ZNF761: variants seen among roughly 807,000 people sequenced by gnomAD.
The protein encoded by ZNF761 is zinc finger protein 761.
In ZNF761, 43 loss-of-function variants were observed where a neutral mutation model predicts 59.9. The ratio of observed to expected loss-of-function variants is 0.72; its 90% confidence interval spans 0.56 to 0.92. The LOEUF (loss-of-function observed/expected upper bound fraction) is 0.92, where lower values mean the gene tolerates loss of function less well. Ranked by LOEUF, ZNF761 falls within the 40% of genes least tolerant of loss-of-function variation. The probability of loss-of-function intolerance (pLI) is 0.00; values close to 1 mark genes in which losing one functional copy is unlikely to be tolerated. For missense variants in ZNF761, 850 were observed against 906.1 expected, an observed-to-expected ratio of 0.94 and a Z score of 0.79; for synonymous variants, 294 against 304.8, an observed-to-expected ratio of 0.96 and a Z score of 0.37.
At chr19:53,449,477 C>T (rs770412663) in intron 3 of ZNF761, 35 bp from the exon 4 acceptor site, 104 of 1,614,036 alleles carry the variant, frequency 6.4e-5, no homozygotes, top group Non-Finnish European at 8.2e-5. Context: ...GAACTCCTCT[C>T]ATAACCATTT....
At chr19:53,442,407 G>A in intron 1 of ZNF761, 1 of 944,690 alleles carries the variant, frequency 1.1e-6, no homozygotes, top group South Asian at 1.3e-5. Context: ...TCAAAAAGAA[G>A]ACAAATGTGA....
At chr19:53,451,957 G>T (rs2086225956) in intron 4 of ZNF761, among the ~76,000 whole-genome samples, 1 of 152,028 alleles carries the variant, frequency 6.6e-6, no homozygotes, top group African/African-American at 2.4e-5. Flanking sequence ...TATAGTACAG[G>T]CTCTAAACTT....
chr19:53,432,750 A>G (rs2085986151), intron 1 of ZNF761, among the ~76,000 whole-genome samples: 1 of 152,222 alleles, frequency 6.6e-6, no homozygotes, highest in Non-Finnish European at 1.5e-5. Flanking sequence ...ATGGCAAAGT[A>G]GAGGATGGGT....
chr19:53,440,159 AAAATAAAT>A (rs140901936), intron 1 of ZNF761, among the ~76,000 whole-genome samples: 1 of 150,680 alleles, frequency 6.6e-6, no homozygotes, highest in Non-Finnish European at 1.5e-5. Flanking sequence ...GTCTTGGCCA[AAAATAAAT>A]AAATAAATAA....
intron 4 of ZNF761, chr19:53,449,839 A>C: frequency 7.5e-7 from 1 of 1,342,174 alleles, no homozygotes; most frequent in Non-Finnish European, 9.9e-7. Context: ...GGTGCATGCC[A>C]CCATGTTTGG....
Position 53,456,675 on chromosome 19 carries a change from G to T in ZNF761, c.2168G>T (p.Cys723Phe). 6.2e-7 allele frequency: 1 copy of T among 1,614,010 alleles called. No individual in the cohort carries two copies. The highest frequency in any genetic ancestry group is 1.1e-5 in the South Asian group (1 of 91,068). Residue 723 changes from cysteine to phenylalanine, a missense_variant, in exon 5 of 5, where the codon TGT becomes TTT. Coordinates refer to ENST00000684525, the MANE Select transcript of ZNF761 (RefSeq NM_001289951.2). ...TGEKPYKCNE[C>F]GKTFSQKSNL... ...GAGAAACCTTACAAGTGTAATGAGT[G>T]TGGCAAGACCTTTAGTCAGAAGTCA...
At chr19:53,453,842 C>G (rs925108805) in intron 4 of ZNF761, among the ~76,000 whole-genome samples, 2 of 152,114 alleles carry the variant, frequency 1.3e-5, no homozygotes, top group Non-Finnish European at 2.9e-5. Flanking sequence ...GGCCATTGAA[C>G]TCCAGCCAGT....
In ZNF761 at chr19:53,456,926, A is replaced by G. The variant is rs2086277880; in HGVS notation, c.*178A>G. ...GCTTATAAATGTGAAGAATGTCACA[A>G]AGTTTACAGTCGCACATCAAACCGT... is the stretch of plus-strand genomic sequence containing the variant. On this transcript the variant is annotated 3_prime_UTR_variant, in exon 5 of 5. Coordinates refer to ENST00000684525, the MANE Select transcript of ZNF761 (RefSeq NM_001289951.2). 6 of 801,418 alleles carry G rather than the reference A, an allele frequency of 7.5e-6. No individual in the cohort carries two copies. Among genetic ancestry groups the G allele is most frequent in the African/African-American group, 1.7e-5 (1 of 57,466 alleles). The allele number at this position is 801,418 out of a possible 1,614,324, so 49.6% of individuals were successfully genotyped here.
At chr19:53,433,863 C>G (rs905098599) in intron 1 of ZNF761, among the ~76,000 whole-genome samples, 4 of 151,450 alleles carry the variant, frequency 2.6e-5, no homozygotes, top group Non-Finnish European at 4.4e-5. Context: ...ACTCAAGAGT[C>G]TATTTTGTCT....
intron 1 of ZNF761, among the ~76,000 whole-genome samples, chr19:53,435,113 G>T: frequency 6.6e-6 from 1 of 151,828 alleles, no homozygotes; most frequent in East Asian, 1.9e-4. Flanking sequence ...AGAGAAATAG[G>T]CCATCGGTAA....
At chr19:53,446,544 T>C (rs189351442) in intron 2 of ZNF761, among the ~76,000 whole-genome samples, 2 of 152,270 alleles carry the variant, frequency 1.3e-5, no homozygotes, top group African/African-American at 2.4e-5. Flanking sequence ...AGTTACTTTT[T>C]GTATTTTTAG....
chr19:53,456,880 A>G lies in ZNF761; in HGVS notation c.*132A>G. 2.9e-6 allele frequency: 3 copies of G among 1,040,756 alleles called. No individual in the cohort carries two copies. Among genetic ancestry groups the G allele is most frequent in the South Asian group, 1.5e-5 (1 of 67,158 alleles). 64.5% of individuals were successfully genotyped at this position (1,040,756 alleles called of 1,614,324 possible). ...GGCAAATCAAGCCTCAGAAGACAGG[A>G]GAATTCATACTGGAGAGAAAGCTTA... On this transcript the variant is annotated 3_prime_UTR_variant, in exon 5 of 5. Transcript: ENST00000684525.
At chr19:53,435,239 T>C (rs181496278) in intron 1 of ZNF761, among the ~76,000 whole-genome samples, 127 of 150,506 alleles carry the variant, frequency 8.4e-4, no homozygotes, top group African/African-American at 2.7e-3. Flanking sequence ...GGTTATTTCC[T>C]GGTCACAAAT....
chr19:53,444,747 A>G (rs8102802), intron 1 of ZNF761: 121,777 of 152,196 alleles, frequency 0.8, 48,882 homozygotes, highest in South Asian at 0.88. Context: ...GTGTGGAGGG[A>G]CTGGCCCCCC....
intron 1 of ZNF761, among the ~76,000 whole-genome samples, chr19:53,441,576 A>G (rs1036776235): frequency 6.6e-6 from 1 of 151,538 alleles, no homozygotes; most frequent in African/African-American, 2.4e-5. Context: ...CCTCCTGAGT[A>G]TGTGGGACTA....
intron 1 of ZNF761, chr19:53,444,552 C>A (rs950401193): frequency 6.6e-6 from 1 of 152,206 alleles, no homozygotes; most frequent in Admixed American, 6.5e-5. Flanking sequence ...TGCCACATTC[C>A]CCTCACTGAG....
rs775406551 is a variant in ZNF761 at position 53,455,255 on chromosome 19, C to G, written c.748C>G (p.Leu250Val). 17 of 1,614,196 alleles carry G rather than the reference C, an allele frequency of 1.1e-5. No homozygotes were observed. The highest frequency in any genetic ancestry group is 1.4e-5 in the Non-Finnish European group (16 of 1,180,038). ...ATATAAATGTGATGTATGTGGCAAG[C>G]TCTTTAATCAGAAGCGAAACCTAGC... is the stretch of plus-strand genomic sequence containing the variant. Reference protein sequence around the residue: ...DKYKCDVCGKLFNQKRNLACH... With the variant: ...DKYKCDVCGKVFNQKRNLACH... The change falls in exon 5 of 5, where the codon CTC (leucine) becomes GTC (valine). Residue 250 changes from leucine (L) to valine (V), a missense_variant. By Grantham distance (32) the Leu-to-Val change is conservative. Transcript: ENST00000684525.
chr19:53,437,339 G>A (rs2086054124), intron 1 of ZNF761, among the ~76,000 whole-genome samples: 1 of 149,560 alleles, frequency 6.7e-6, no homozygotes, highest in African/African-American at 2.5e-5. Context: ...AAGAAAAAAT[G>A]GCACTACATA....
chr19:53,454,232 G>A (rs2708744), intron 4 of ZNF761, among the ~76,000 whole-genome samples: 6,826 of 151,990 alleles, frequency 0.045, 538 homozygotes, highest in African/African-American at 0.16. Context: ...AGCTTGTTGT[G>A]GATTATTTAC....
Sources: gnomAD v4.1 joint callset for allele counts (sites outside exome capture counted in the v4.1 genomes callset) on GRCh38, gnomAD v4.1.1 for gene constraint, MANE v1.5 for transcripts, NCBI Gene and HGNC (gene_info 2026-07-23, HGNC 2026-07-21) for gene names.